The following PDE4D variants were observed in gnomAD, a reference collection of about 807,000 sequenced individuals.
The protein encoded by PDE4D is 3',5'-cyclic-AMP phosphodiesterase 4D.
Under a neutral mutation model 87.4 loss-of-function variants are expected in PDE4D, and 24 were observed. That is an observed-to-expected ratio of 0.27 (90% confidence interval 0.20 to 0.39). PDE4D has a LOEUF of 0.39. Among genes scored for constraint, PDE4D ranks in the 10% least tolerant of loss-of-function variants. The pLI is 1.00. For missense variants in PDE4D, 714 were observed against 1,041.0 expected (o/e 0.69, Z 4.32); for synonymous variants, 384 against 383.2 (o/e 1.00, Z -0.02).
At position 60,519,227 on chromosome 5, in the gene PDE4D, G is replaced by C. The variant is rs549392676; in HGVS notation, n.70+2824C>G. ...ATGTGCACAGTCGTATTAAAGCCCTGACCTAAATTTAGCAGTTTAAAAAGA... is the reference window on the plus strand; with the variant it reads ...ATGTGCACAGTCGTATTAAAGCCCTCACCTAAATTTAGCAGTTTAAAAAGA... On this transcript the variant is annotated intron_variant and non_coding_transcript_variant, in intron 1 of 2. Coordinates refer to the PDE4D transcript ENST00000506510. 2.0e-5 allele frequency among the ~76,000 whole-genome samples: 3 copies of C among 152,280 alleles called. No individual in the cohort carries two copies. In the East Asian group the frequency reaches 5.8e-4, roughly 29 times the overall value.
rs115106434 is a variant in PDE4D at position 59,393,349 on chromosome 5, A to G, written c.456-177381T>C. On this transcript the variant is annotated intron_variant, in intron 1 of 14. Coordinates refer to ENST00000340635, the MANE Select transcript of PDE4D (RefSeq NM_001104631.2). Reference sequence around the variant, plus strand: ...ATAAAGAACATCTCAAAAAAATAACATATAGAACAAGGGGCAAAAATAGGG... The same window carrying G: ...ATAAAGAACATCTCAAAAAAATAACGTATAGAACAAGGGGCAAAAATAGGG... Among the ~76,000 whole-genome samples, 464 of 152,336 alleles carry G rather than the reference A, an allele frequency of 3.0e-3. 1 individual carries two copies. The highest frequency in any genetic ancestry group is 0.011 in the African/African-American group (450 of 41,578).
intron 1 of PDE4D, chr5:60,448,600 A>G (rs1745838855): frequency 6.6e-6 from 1 of 152,158 alleles, no homozygotes; most frequent in Non-Finnish European, 1.5e-5. Flanking sequence ...TTTCATCAAC[A>G]AACTCATGCC....
chr5:59,659,276 T>C (rs1316193150), intron 1 of PDE4D, among the ~76,000 whole-genome samples: 1 of 152,232 alleles, frequency 6.6e-6, no homozygotes, highest in Non-Finnish European at 1.5e-5. Flanking sequence ...TTAATTTTCT[T>C]TCCAAAGACC....
At chr5:59,127,611 C>CCACCCCCCCACCCCCCCACCCCCCACCT (rs1775624448) in intron 5 of PDE4D, among the ~76,000 whole-genome samples, 1 of 104,278 alleles carries the variant, frequency 9.6e-6, no homozygotes, top group African/African-American at 2.9e-5. Context: ...CCCCACCCCC[C>CCACCCCCCCACCCCCCCACCCCCCACCT]CACCCCCCAC....
At chr5:60,131,510 G>A (rs1026942656) in intron 2 of PDE4D, among the ~76,000 whole-genome samples, 1 of 152,156 alleles carries the variant, frequency 6.6e-6, no homozygotes, top group African/African-American at 2.4e-5. Context: ...TAGACTTTAA[G>A]AGATCTTGCG....
At chr5:59,356,326 G>A (rs1017798015) in intron 1 of PDE4D, among the ~76,000 whole-genome samples, 4 of 152,158 alleles carry the variant, frequency 2.6e-5, no homozygotes, top group African/African-American at 9.7e-5. Context: ...GATGAACACT[G>A]AATTACTACC....
At chr5:60,336,161 T>C (rs1166887846) in intron 1 of PDE4D, among the ~76,000 whole-genome samples, 1 of 152,232 alleles carries the variant, frequency 6.6e-6, no homozygotes, top group Non-Finnish European at 1.5e-5. Context: ...GTAAGACTTA[T>C]GGTAGTATAA....
chr5:59,822,460 A>G (rs1476761023), intron 1 of PDE4D, among the ~76,000 whole-genome samples: 1 of 152,106 alleles, frequency 6.6e-6, no homozygotes, highest in African/African-American at 2.4e-5. Context: ...ATTTCATTTT[A>G]TTTATATTTT....
chr5:59,761,931 T>G (rs1762015621), intron 1 of PDE4D, among the ~76,000 whole-genome samples: 1 of 152,128 alleles, frequency 6.6e-6, no homozygotes, highest in Non-Finnish European at 1.5e-5. Context: ...TACACCAGCA[T>G]GCCCACAAAC....
At chr5:59,096,572 C>T (rs1327025220) in intron 5 of PDE4D, among the ~76,000 whole-genome samples, 3 of 152,278 alleles carry the variant, frequency 2.0e-5, no homozygotes, top group East Asian at 1.9e-4. Flanking sequence ...AAGAGATGCT[C>T]TCTTTTTTTG....
chr5:60,126,432 T>A (rs1461039775), intron 2 of PDE4D, among the ~76,000 whole-genome samples: 1 of 152,208 alleles, frequency 6.6e-6, no homozygotes, highest in African/African-American at 2.4e-5. Context: ...TTTATCTGAG[T>A]ATTTATTACC....
At chr5:59,728,642 A>G (rs1756941317) in intron 1 of PDE4D, among the ~76,000 whole-genome samples, 10 of 152,082 alleles carry the variant, frequency 6.6e-5, no homozygotes, top group Admixed American at 6.6e-4. Context: ...ATGATTTTAA[A>G]TTATTAATAA....
chr5:60,498,534 A>C (rs993398573), intron 1 of PDE4D, among the ~76,000 whole-genome samples: 1 of 152,208 alleles, frequency 6.6e-6, no homozygotes, highest in East Asian at 1.9e-4. Flanking sequence ...AGGGATGGCC[A>C]GCATCCTAGC....
intron 1 of PDE4D, among the ~76,000 whole-genome samples, chr5:59,424,121 A>G (rs1794874296): frequency 1.3e-5 from 2 of 152,144 alleles, no homozygotes; most frequent in Admixed American, 6.5e-5. Flanking sequence ...CTGGGCCATA[A>G]GAAAAAAGGA....
At chr5:59,698,545 T>C (rs974735594) in intron 1 of PDE4D, among the ~76,000 whole-genome samples, 1 of 152,084 alleles carries the variant, frequency 6.6e-6, no homozygotes, top group African/African-American at 2.4e-5. Context: ...AACTGACTTG[T>C]TTAAAAACAT....
rs183405613 is a variant in PDE4D, at chr5:60,195,888, G to A, written c.-89-10201C>T. On this transcript the variant is annotated intron_variant, in intron 1 of 16. Coordinates refer to the PDE4D transcript ENST00000502484. ...TTCATATACTGATGTTTTTCCCCAC[G>A]TAGAGGGAAAGGAACATGAAAGTAG... 2.4e-4 allele frequency among the ~76,000 whole-genome samples: 37 copies of A among 151,786 alleles called. 1 individual carries two copies. The highest frequency in any genetic ancestry group is 4.0e-4 in the Non-Finnish European group (27 of 67,788).
chr5:60,059,606 G>A (rs1056876629), intron 2 of PDE4D, among the ~76,000 whole-genome samples: 1 of 151,958 alleles, frequency 6.6e-6, no homozygotes, highest in Non-Finnish European at 1.5e-5. Context: ...GACAGACTGA[G>A]AGAGAGAAAT....
intron 5 of PDE4D, among the ~76,000 whole-genome samples, chr5:59,060,929 GGTCTCCCTACCAT>G (rs1397218029): frequency 6.6e-6 from 1 of 152,000 alleles, no homozygotes; most frequent in Non-Finnish European, 1.5e-5. Context: ...ACCAAAAAAT[GGTCTCCCTACCAT>G]GAAGAATAAC....
intron 1 of PDE4D, among the ~76,000 whole-genome samples, chr5:59,545,935 T>A (rs908342123): frequency 6.6e-6 from 1 of 152,188 alleles, no homozygotes; most frequent in Non-Finnish European, 1.5e-5. Flanking sequence ...AGTCAAATAC[T>A]CACTTGCATT....
Sources: allele counts gnomAD v4.1 joint callset (sites outside exome capture counted in the v4.1 genomes callset), GRCh38; gene constraint gnomAD v4.1.1; transcripts MANE v1.5; gene names NCBI Gene and HGNC (gene_info 2026-07-23, HGNC 2026-07-21).